The following PCSK6 variants were observed in gnomAD, a reference collection of about 807,000 sequenced individuals.
The protein encoded by PCSK6 is paired basic amino acid cleaving enzyme 4.
PCSK6 carries 85 observed loss-of-function variants against 123.3 expected under a neutral mutation model. The observed-to-expected ratio is 0.69, with a 90% confidence interval of 0.58 to 0.83. The LOEUF (loss-of-function observed/expected upper bound fraction) is 0.83. PCSK6 is among the 40% of genes least tolerant of loss of function. The pLI, the probability that PCSK6 is intolerant of heterozygous loss-of-function variation, is 0.00. For missense variants in PCSK6, 1,191 were observed against 1,282.3 expected (o/e 0.93, Z 1.09); for synonymous variants, 508 against 516.0 (o/e 0.98, Z 0.21).
chr15:101,451,633 GC>G (rs373942021), intron 1 of PCSK6, among the ~76,000 whole-genome samples: 63 of 152,300 alleles, frequency 4.1e-4, no homozygotes, highest in African/African-American at 1.4e-3. Flanking sequence ...CGTCCGCTCC[GC>G]AGCTGCAGCG....
At chr15:101,306,256 C>CT (rs1196441682) in intron 21 of PCSK6, among the ~76,000 whole-genome samples, 1 of 152,138 alleles carries the variant, frequency 6.6e-6, no homozygotes, top group Non-Finnish European at 1.5e-5. Flanking sequence ...GGCAACCACA[C>CT]TTTTTTGGGC....
intron 1 of PCSK6, among the ~76,000 whole-genome samples, chr15:101,478,539 C>T (rs886480543): frequency 2.0e-5 from 3 of 152,196 alleles, no homozygotes; most frequent in Non-Finnish European, 2.9e-5. Flanking sequence ...GTGGCTTCCC[C>T]GGTCCTCTTT....
At chr15:101,341,060 C>T (rs572203363) in intron 13 of PCSK6, among the ~76,000 whole-genome samples, 40 of 151,066 alleles carry the variant, frequency 2.6e-4, no homozygotes, top group African/African-American at 9.2e-4. Context: ...CTCAGCCTCC[C>T]GAGTAGCTGG....
At chr15:101,361,812 A>G (rs895051717) in intron 13 of PCSK6, among the ~76,000 whole-genome samples, 1 of 152,042 alleles carries the variant, frequency 6.6e-6, no homozygotes, top group Admixed American at 6.5e-5. Flanking sequence ...GGGCCAGTGG[A>G]ATGAGGAGGT....
chr15:101,393,482 T>C, intron 7 of PCSK6, 58 bp from the exon 8 acceptor site: 1 of 1,395,826 alleles, frequency 7.2e-7, no homozygotes, highest in Non-Finnish European at 9.8e-7. Flanking sequence ...AGGGTGGGTC[T>C]CCCCCCGAAC....
chr15:101,473,281 C>T (rs1238977480), intron 1 of PCSK6, among the ~76,000 whole-genome samples: 2 of 152,106 alleles, frequency 1.3e-5, no homozygotes, highest in Admixed American at 6.6e-5. Context: ...CTCACTCTGT[C>T]ATCCAGGCTG....
chr15:101,326,909 G>C (rs1157970270), intron 15 of PCSK6, among the ~76,000 whole-genome samples: 1 of 152,232 alleles, frequency 6.6e-6, no homozygotes, highest in Non-Finnish European at 1.5e-5. Context: ...CACAAGAGGG[G>C]GTGCTGAGTG....
At chr15:101,362,337 A>G (rs2041256027) in intron 13 of PCSK6, among the ~76,000 whole-genome samples, 1 of 152,232 alleles carries the variant, frequency 6.6e-6, no homozygotes, top group Non-Finnish European at 1.5e-5. Context: ...AGAGCCAGTT[A>G]GACCCATGCC....
intron 6 of PCSK6, among the ~76,000 whole-genome samples, chr15:101,414,876 A>C (rs1031221302): frequency 1.3e-4 from 20 of 152,342 alleles, no homozygotes; most frequent in Admixed American, 1.0e-3. Context: ...AGACTCTTCA[A>C]TTGTGTTAAA....
At chr15:101,315,780 G>C (rs1372243960) in intron 19 of PCSK6, among the ~76,000 whole-genome samples, 1 of 152,238 alleles carries the variant, frequency 6.6e-6, no homozygotes, top group Non-Finnish European at 1.5e-5. Flanking sequence ...CATGCCCCAG[G>C]TGGGTAAGTC....
chr15:101,375,683 C>A (rs1004126784), intron 11 of PCSK6, among the ~76,000 whole-genome samples: 2 of 152,132 alleles, frequency 1.3e-5, no homozygotes, highest in African/African-American at 4.8e-5. Flanking sequence ...AGCACACTCC[C>A]AGCTGAGGTC....
rs779932237 is a variant in PCSK6, at chr15:101,398,603, C to G, written c.824-27G>C. 1 of 1,593,408 alleles carries G rather than the reference C, an allele frequency of 6.3e-7. No homozygotes were observed. The highest frequency in any genetic ancestry group is 1.3e-5 in the African/African-American group (1 of 74,586). ...TGAAAGCACAGAGGAGGCTCGGTGT[C>G]GGCGCCCAGGCTCCGGGCACACAGC... On this transcript the variant is annotated intron_variant, in intron 6 of 21. Coordinates refer to ENST00000611716, the MANE Select transcript of PCSK6 (RefSeq NM_002570.5). The surrounding 1 kb of genome is among the most constrained non-coding windows in gnomAD (Gnocchi z 4.6).
At chr15:101,364,936 T>C (rs1347702386) in intron 13 of PCSK6, 3 of 757,100 alleles carry the variant, frequency 4.0e-6, no homozygotes, top group African/African-American at 1.7e-5. Context: ...CAAAACAATA[T>C]GGTACTGACT....
At chr15:101,409,818 TC>T (rs1325005068) in intron 6 of PCSK6, among the ~76,000 whole-genome samples, 1 of 152,136 alleles carries the variant, frequency 6.6e-6, no homozygotes, top group Non-Finnish European at 1.5e-5. Context: ...CACACCTGGC[TC>T]CCCAGCAAGC....
chr15:101,429,719 G>A (rs1340921544), intron 5 of PCSK6, among the ~76,000 whole-genome samples: 2 of 152,202 alleles, frequency 1.3e-5, no homozygotes, highest in Non-Finnish European at 2.9e-5. Flanking sequence ...CAAGAAAGTT[G>A]GAAACAGGAA....
intron 1 of PCSK6, among the ~76,000 whole-genome samples, chr15:101,446,221 C>G (rs995648292): frequency 2.0e-5 from 3 of 152,252 alleles, no homozygotes; most frequent in Non-Finnish European, 4.4e-5. Flanking sequence ...CCTTGCAAAG[C>G]CAGCTGCAGA....
At chr15:101,396,837 T>C (rs1002320107) in intron 7 of PCSK6, among the ~76,000 whole-genome samples, 3 of 152,148 alleles carry the variant, frequency 2.0e-5, no homozygotes, top group African/African-American at 7.2e-5. Context: ...TGCGTGTGTG[T>C]GTCTACACCG....
At chr15:101,362,213 C>T (rs574271905) in intron 13 of PCSK6, among the ~76,000 whole-genome samples, 2 of 152,288 alleles carry the variant, frequency 1.3e-5, no homozygotes, top group Non-Finnish European at 2.9e-5. Context: ...GCCTCGGCCT[C>T]CCAAAGTGCT....
chr15:101,445,047 C>T (rs1016297941), intron 1 of PCSK6, among the ~76,000 whole-genome samples: 3 of 152,226 alleles, frequency 2.0e-5, no homozygotes, highest in Non-Finnish European at 2.9e-5. Flanking sequence ...TTTTCTACTT[C>T]AGCTTGCTCC....
Sources: gnomAD v4.1 joint callset for allele counts (sites outside exome capture counted in the v4.1 genomes callset) on GRCh38, gnomAD v4.1.1 for gene constraint, Gnocchi (gnomAD v3.1) non-coding constraint, MANE v1.5 for transcripts, NCBI Gene and HGNC (gene_info 2026-07-23, HGNC 2026-07-21) for gene names.